FAM107B: variants seen among roughly 807,000 people sequenced by gnomAD.
FAM107B encodes the protein family with sequence similarity 107 member B.
Under a neutral mutation model 31.5 loss-of-function variants are expected in FAM107B, and 21 were observed. That is an observed-to-expected ratio of 0.67 (90% CI 0.47 to 0.96). The LOEUF (loss-of-function observed/expected upper bound fraction) is 0.96. Among genes scored for constraint, FAM107B ranks in the 40% least tolerant of loss-of-function variants. FAM107B has a pLI of 0.00. For missense variants in FAM107B, 452 were observed against 377.1 expected (o/e 1.20, Z -1.64); for synonymous variants, 157 against 141.5 (o/e 1.11, Z -0.78).
chr10:14,671,807 C>T (rs1280078347), intron 1 of FAM107B, among the ~76,000 whole-genome samples: 1 of 150,942 alleles, frequency 6.6e-6, no homozygotes, highest in Admixed American at 6.6e-5. Flanking sequence ...CAAATTCAGC[C>T]ACGCCTGAAG....
chr10:14,548,618 G>A (rs544461066), intron 2 of FAM107B: 3 of 985,466 alleles, frequency 3.0e-6, no homozygotes, highest in East Asian at 1.1e-4. Flanking sequence ...CAGCCCCTGA[G>A]GAGGGCTCTC....
At chr10:14,774,173 T>C in intron 1 of FAM107B, 80 bp downstream of exon 1, 1 of 1,517,104 alleles carries the variant, frequency 6.6e-7, no homozygotes. Flanking sequence ...ATGAGTTTGT[T>C]TGCTGAAACA....
intron 1 of FAM107B, among the ~76,000 whole-genome samples, chr10:14,719,247 C>T (rs752649530): frequency 2.0e-5 from 3 of 152,162 alleles, no homozygotes; most frequent in African/African-American, 7.2e-5. Flanking sequence ...AGAGTTCCAG[C>T]CAGGGACGCA....
chr10:14,556,898 C>T (rs1849754534), intron 2 of FAM107B, among the ~76,000 whole-genome samples: 1 of 152,234 alleles, frequency 6.6e-6, no homozygotes, highest in Non-Finnish European at 1.5e-5. Flanking sequence ...CTTCTCATGC[C>T]TCATGCCAGT....
chr10:14,735,681 T>C (rs985166461), intron 1 of FAM107B, among the ~76,000 whole-genome samples: 5 of 152,152 alleles, frequency 3.3e-5, no homozygotes, highest in Admixed American at 1.3e-4. Context: ...CTCCTTTTCA[T>C]AGAATTTAAA....
intron 2 of FAM107B, among the ~76,000 whole-genome samples, chr10:14,603,812 G>A (rs764834848): frequency 6.6e-6 from 1 of 151,972 alleles, no homozygotes; most frequent in East Asian, 1.9e-4. Flanking sequence ...CCTGGCGGGG[G>A]CTGGCGTCGG....
At chr10:14,722,415 A>G (rs1855932425) in intron 1 of FAM107B, among the ~76,000 whole-genome samples, 2 of 152,200 alleles carry the variant, frequency 1.3e-5, no homozygotes, top group Non-Finnish European at 2.9e-5. Context: ...GTATAGATAT[A>G]TTCCATGCTG....
intron 2 of FAM107B, among the ~76,000 whole-genome samples, chr10:14,651,664 G>A (rs764138925): frequency 6.6e-6 from 1 of 152,160 alleles, no homozygotes; most frequent in Non-Finnish European, 1.5e-5. Flanking sequence ...ATAAGAAGGG[G>A]ACTGGGGAGA....
chr10:14,652,584 G>C (rs74122874), intron 2 of FAM107B, among the ~76,000 whole-genome samples: 1,777 of 152,248 alleles, frequency 0.012, 37 homozygotes, highest in African/African-American at 0.04. Context: ...GCTGTTAAGA[G>C]AATTAAGTAA....
chr10:14,713,057 G>A (rs143590038), intron 1 of FAM107B, among the ~76,000 whole-genome samples: 2 of 152,142 alleles, frequency 1.3e-5, no homozygotes, highest in Admixed American at 6.5e-5. Flanking sequence ...GACTGAACTC[G>A]CTGATACGAT....
At chr10:14,727,928 C>G (rs1856074048) in intron 1 of FAM107B, among the ~76,000 whole-genome samples, 1 of 152,150 alleles carries the variant, frequency 6.6e-6, no homozygotes, top group African/African-American at 2.4e-5. Flanking sequence ...ACAGCAAACT[C>G]TTAAATCCCA....
intron 2 of FAM107B, among the ~76,000 whole-genome samples, chr10:14,618,764 G>T (rs1852917533): frequency 6.6e-6 from 1 of 152,154 alleles, no homozygotes; most frequent in African/African-American, 2.4e-5. Flanking sequence ...TTGAACCCGG[G>T]AGACAGAGGT....
At chr10:14,766,888 C>A (rs1012202590) in intron 1 of FAM107B, among the ~76,000 whole-genome samples, 50 of 150,418 alleles carry the variant, frequency 3.3e-4, no homozygotes, top group African/African-American at 1.2e-3. Context: ...TTTAAAGAAT[C>A]TTTCTCAAAC....
At chr10:14,540,802 G>T (rs972511288) in intron 2 of FAM107B, among the ~76,000 whole-genome samples, 2 of 152,164 alleles carry the variant, frequency 1.3e-5, no homozygotes, top group Non-Finnish European at 2.9e-5. Context: ...GTGTCAAGTT[G>T]AGCTCCCCTT....
intron 2 of FAM107B, among the ~76,000 whole-genome samples, chr10:14,663,887 CA>C (rs3035297): frequency 5.3e-3 from 422 of 80,362 alleles, no homozygotes; most frequent in African/African-American, 0.019. Flanking sequence ...GATCATCAGC[CA>C]AAAAAAAAAA....
At chr10:14,735,907 A>G (rs1220257943) in intron 1 of FAM107B, among the ~76,000 whole-genome samples, 1 of 152,156 alleles carries the variant, frequency 6.6e-6, no homozygotes, top group Non-Finnish European at 1.5e-5. Context: ...CAGTACTAAA[A>G]TGTCCCAAAG....
intron 1 of FAM107B, among the ~76,000 whole-genome samples, chr10:14,697,653 G>A (rs1855298460): frequency 6.6e-6 from 1 of 152,214 alleles, no homozygotes; most frequent in African/African-American, 2.4e-5. Flanking sequence ...TCTGCAAAAT[G>A]CATTCATTGC....
chr10:14,594,177 C>A (rs1252149358), intron 2 of FAM107B, among the ~76,000 whole-genome samples: 1 of 152,110 alleles, frequency 6.6e-6, no homozygotes, highest in Non-Finnish European at 1.5e-5. Context: ...CATCTCCATA[C>A]GGTAATGCCA....
At position 14,676,522 on chromosome 10, in the gene FAM107B, C is replaced by T. The variant is rs143309096; in HGVS notation, c.412-8831G>A. ...TTACCCACTTTGTATCTTTGTTTCA[C>T]GCCCAACATAGTAATACATCCCACA... On this transcript the variant is annotated intron_variant, in intron 1 of 4. Coordinates refer to ENST00000181796, the MANE Select transcript of FAM107B (RefSeq NM_031453.4). 9.9e-5 allele frequency among the ~76,000 whole-genome samples: 15 copies of T among 152,274 alleles called. No individual in the cohort carries two copies. The East Asian group carries it at 2.5e-3, about 25-fold the overall frequency.
Sources: allele counts gnomAD v4.1 joint callset (sites outside exome capture counted in the v4.1 genomes callset), GRCh38; gene constraint gnomAD v4.1.1; transcripts MANE v1.5; gene names NCBI Gene and HGNC (gene_info 2026-07-23, HGNC 2026-07-21).